TENM3: variants seen among roughly 807,000 people sequenced by gnomAD.
TENM3 encodes teneurin transmembrane protein 3.
In TENM3, 63 loss-of-function variants were observed where a neutral mutation model predicts 255.1. The observed-to-expected ratio is 0.25, with a 90% CI of 0.20 to 0.30. TENM3 has a LOEUF of 0.30. TENM3 is among the 10% of genes least tolerant of loss of function. The probability of loss-of-function intolerance (pLI) is 1.00; values close to 1 mark genes in which losing one functional copy is unlikely to be tolerated. For missense variants in TENM3, 2,929 were observed against 3,461.1 expected (o/e 0.85, Z 3.86); for synonymous variants, 1,306 against 1,322.3 (o/e 0.99, Z 0.27).
chr4:181,710,376 G>A, the TENM3 span, among the ~76,000 whole-genome samples: 1 of 152,098 alleles, frequency 6.6e-6, no homozygotes, highest in Non-Finnish European at 1.5e-5. Flanking sequence ...AGACTGGGAG[G>A]AGCACGTTGG....
the TENM3 span, among the ~76,000 whole-genome samples, chr4:181,833,709 C>A: frequency 4.9e-5 from 7 of 144,052 alleles, no homozygotes; most frequent in Non-Finnish European, 1.1e-4. Flanking sequence ...TACTTCTTCT[C>A]TGGAAACTTT....
the TENM3 span, chr4:181,821,602 G>C: frequency 6.6e-6 from 1 of 152,228 alleles, no homozygotes; most frequent in African/African-American, 2.4e-5. Flanking sequence ...CTGCCTGAGC[G>C]GTATTTATAC....
intron 1 of TENM3, among the ~76,000 whole-genome samples, chr4:182,319,850 G>A (rs962903877): frequency 2.0e-5 from 3 of 152,146 alleles, no homozygotes; most frequent in African/African-American, 4.8e-5. Context: ...TGCAGCTCAC[G>A]CCTGTAAATC....
chr4:181,499,309 A>T, the TENM3 span, among the ~76,000 whole-genome samples: 3 of 152,330 alleles, frequency 2.0e-5, no homozygotes, highest in Admixed American at 6.5e-5. Flanking sequence ...TTAAATTTAG[A>T]ACTATAATAT....
Position 182,784,313 on chromosome 4 carries a change from G to A in TENM3, c.5305-4780G>A, listed in dbSNP as rs1035668772. The stretch of plus-strand genomic sequence containing the variant: ...TGCAGGTCTGTTGGAATACCCTGCC[G>A]TGTGAGGTGTCAGTGTGCCCCTGCT... On this transcript the variant is annotated intron_variant, in intron 24 of 27. Coordinates refer to ENST00000511685, the MANE Select transcript of TENM3 (RefSeq NM_001080477.4). Among the ~76,000 whole-genome samples the A allele has an allele frequency of 1.0e-3, 154 of 152,136 alleles. 1 individual carries two copies. The highest frequency in any genetic ancestry group is 3.3e-3 in the African/African-American group (137 of 41,508).
chr4:181,526,857 A>C, the TENM3 span, among the ~76,000 whole-genome samples: 1 of 152,184 alleles, frequency 6.6e-6, no homozygotes, highest in Non-Finnish European at 1.5e-5. Flanking sequence ...CTCTCTCTCT[A>C]TCAGTCTCTG....
At chr4:182,496,906 G>A (rs1408844414) in intron 3 of TENM3, among the ~76,000 whole-genome samples, 2 of 152,120 alleles carry the variant, frequency 1.3e-5, no homozygotes, top group African/African-American at 4.8e-5. Context: ...AATGTTTTCT[G>A]GATTTTCTAA....
chr4:182,502,148 A>G (rs929883120), intron 3 of TENM3, among the ~76,000 whole-genome samples: 4 of 152,172 alleles, frequency 2.6e-5, no homozygotes, highest in African/African-American at 9.7e-5. Flanking sequence ...ACTGTTGTTG[A>G]AATGTCTACT....
chr4:182,271,895 G>T (rs1477466181), intron 1 of TENM3, among the ~76,000 whole-genome samples: 2 of 152,218 alleles, frequency 1.3e-5, no homozygotes, highest in African/African-American at 4.8e-5. Context: ...TTCTGTGAGA[G>T]CAGGTGCAGC....
chr4:181,703,577 T>A, the TENM3 span, among the ~76,000 whole-genome samples: 2 of 152,180 alleles, frequency 1.3e-5, no homozygotes, highest in African/African-American at 2.4e-5. Context: ...AGAAACTTGA[T>A]CAGGGTCACT....
the TENM3 span, among the ~76,000 whole-genome samples, chr4:181,631,560 G>A: frequency 6.6e-6 from 1 of 152,136 alleles, no homozygotes; most frequent in Admixed American, 6.5e-5. Flanking sequence ...AAAGTGCTCA[G>A]ATTACAGGCA....
At chr4:181,608,014 A>C in the TENM3 span, among the ~76,000 whole-genome samples, 1 of 152,182 alleles carries the variant, frequency 6.6e-6, no homozygotes, top group Admixed American at 6.6e-5. Flanking sequence ...GCTGCATAAA[A>C]ATTATGTTCC....
rs763457601 is a variant in TENM3, at chr4:182,738,489, G to A, written c.3324G>A (p.Ala1108=). The A allele has an allele frequency of 9.3e-5, 150 of 1,613,152 alleles. No individual in the cohort carries two copies. Among genetic ancestry groups the A allele is most frequent in the African/African-American group, 1.2e-4 (9 of 74,884 alleles). Residue 1108 remains alanine (A), a synonymous_variant, in exon 18 of 28, where the codon GCG becomes GCA. Coordinates refer to ENST00000511685, the MANE Select transcript of TENM3 (RefSeq NM_001080477.4). ...TAILQGYELD[A]SNMGGWTLDK... ...TTCTGCAGGGCTATGAATTGGATGC[G>A]TCCAACATGGGTGGCTGGACATTAG...
upstream of TENM3, among the ~76,000 whole-genome samples, chr4:182,242,287 C>T (rs1757332439): frequency 3.3e-5 from 5 of 151,996 alleles, 1 homozygote; most frequent in South Asian, 1.0e-3. Flanking sequence ...CAGTTCCCAC[C>T]TATGAGTGAG....
intron 6 of TENM3, among the ~76,000 whole-genome samples, chr4:182,670,618 G>A (rs1301147053): frequency 6.6e-6 from 1 of 152,164 alleles, no homozygotes; most frequent in African/African-American, 2.4e-5. Context: ...TGGTACGTGT[G>A]TCATGTAGGA....
intron 1 of TENM3, among the ~76,000 whole-genome samples, chr4:182,258,235 G>A (rs1401477549): frequency 6.6e-6 from 1 of 151,880 alleles, no homozygotes; most frequent in Non-Finnish European, 1.5e-5. Context: ...TCAATTCTGA[G>A]CTTATTACTG....
chr4:182,626,883 C>T (rs1482717311), intron 4 of TENM3, among the ~76,000 whole-genome samples: 3 of 152,032 alleles, frequency 2.0e-5, no homozygotes, highest in African/African-American at 7.3e-5. Flanking sequence ...AGTTTTGCAA[C>T]CCTGTTAAAA....
At chr4:181,924,666 T>G in the TENM3 span, among the ~76,000 whole-genome samples, 1 of 152,234 alleles carries the variant, frequency 6.6e-6, no homozygotes, top group Non-Finnish European at 1.5e-5. Flanking sequence ...ATATTCATCT[T>G]TTAAATAAGC....
At chr4:182,092,337 T>C in the TENM3 span, among the ~76,000 whole-genome samples, 1 of 150,106 alleles carries the variant, frequency 6.7e-6, no homozygotes, top group African/African-American at 2.5e-5. Flanking sequence ...TATAAATAAA[T>C]AAATAAATAA....
Sources: allele counts gnomAD v4.1 joint callset (sites outside exome capture counted in the v4.1 genomes callset), GRCh38; gene constraint gnomAD v4.1.1; transcripts MANE v1.5; gene names NCBI Gene and HGNC (gene_info 2026-07-23, HGNC 2026-07-21).